Variants in DNAH12 observed in about 807,000 individuals in gnomAD.
DNAH12 encodes the protein dynein axonemal heavy chain 12, also known as axonemal beta dynein heavy chain 12.
DNAH12 carries 285 observed loss-of-function variants against 371.5 expected under a neutral mutation model. The observed-to-expected ratio is 0.77, with a 90% CI of 0.70 to 0.85. The LOEUF is 0.85. Ranked by LOEUF, DNAH12 falls within the 40% of genes least tolerant of loss-of-function variation. The probability of loss-of-function intolerance (pLI) is 0.00; values close to 1 mark genes in which losing one functional copy is unlikely to be tolerated. For synonymous variants in DNAH12, 1,200 were observed against 1,213.0 expected (o/e 0.99, Z 0.22); for missense variants, 3,611 against 3,689.4 (o/e 0.98, Z 0.55).
At chr3:57,445,069 C>T (rs2065439254) in intron 28 of DNAH12, 105 bp downstream of exon 28, 1 of 1,317,966 alleles carries the variant, frequency 7.6e-7, no homozygotes. Context: ...TATGAAAAGA[C>T]AAAGCTCAAC....
intron 25 of DNAH12, 149 bp from the exon 26 acceptor site, chr3:57,446,838 T>TA (rs2065517120): frequency 2.4e-6 from 2 of 829,258 alleles, no homozygotes; most frequent in Admixed American, 7.5e-5. Context: ...CAAATTTTTC[T>TA]AGCTGCATGA....
At chr3:57,374,721 AAC>A (rs1386662930) in intron 55 of DNAH12, among the ~76,000 whole-genome samples, 2 of 152,168 alleles carry the variant, frequency 1.3e-5, no homozygotes, top group African/African-American at 4.8e-5. Context: ...AAAAAATAGG[AAC>A]AGAGTACCAA....
chr3:57,543,045 G>A lies in DNAH12; in HGVS notation c.-33-142C>T, dbSNP rs1390243331. The A allele has an allele frequency of 8.8e-6, 5 of 567,580 alleles. No individual in the cohort carries two copies. In the South Asian group the frequency reaches 2.8e-4, roughly 32 times the overall value. 35.2% of individuals were successfully genotyped at this position (567,580 alleles called of 1,614,324 possible). ...CAAGTATGGTATTAGTCTAAAGAATGACAGTTGAGGTAAGTTGGCAGGGAT... is the reference window on the plus strand; with the variant it reads ...CAAGTATGGTATTAGTCTAAAGAATAACAGTTGAGGTAAGTTGGCAGGGAT... On this transcript the variant is annotated intron_variant, in intron 1 of 73. Transcript: ENST00000495027.
At chr3:57,552,880 A>C in the DNAH12 span, among the ~76,000 whole-genome samples, 1 of 150,936 alleles carries the variant, frequency 6.6e-6, no homozygotes, top group African/African-American at 2.4e-5. Flanking sequence ...ACCCTGTCTT[A>C]AAAAAATAAA....
chr3:57,394,419 A>C (rs1381413222), intron 43 of DNAH12, 87 bp from the exon 44 acceptor site: 3 of 152,144 alleles, frequency 2.0e-5, no homozygotes, highest in Non-Finnish European at 4.4e-5. Flanking sequence ...TTTGATAACA[A>C]CACTTTGATT....
At chr3:57,526,419 A>T (rs565521277) in intron 2 of DNAH12, among the ~76,000 whole-genome samples, 1,462 of 146,172 alleles carry the variant, frequency 0.01, 28 homozygotes, top group African/African-American at 0.034. Context: ...GTTTTGTTTT[A>T]TTTTTTTTAG....
At chr3:57,423,582 T>C (rs1453107086) in intron 35 of DNAH12, among the ~76,000 whole-genome samples, 1 of 152,126 alleles carries the variant, frequency 6.6e-6, no homozygotes, top group Non-Finnish European at 1.5e-5. Flanking sequence ...GGAACTGCTA[T>C]GCTGTGAGGG....
intron 59 of DNAH12, among the ~76,000 whole-genome samples, chr3:57,356,719 CT>C (rs1337197605): frequency 4.6e-5 from 7 of 151,568 alleles, no homozygotes; most frequent in African/African-American, 1.7e-4. Flanking sequence ...GTCTTTTTTT[CT>C]TTCACTTTTC....
intron 29 of DNAH12, among the ~76,000 whole-genome samples, chr3:57,438,668 T>A: frequency 6.6e-6 from 1 of 151,660 alleles, no homozygotes; most frequent in Non-Finnish European, 1.5e-5. Flanking sequence ...AAGAATGCAA[T>A]CCGGCCGGGC....
At chr3:57,369,687 C>T (rs1330778140) in intron 55 of DNAH12, among the ~76,000 whole-genome samples, 4 of 152,078 alleles carry the variant, frequency 2.6e-5, no homozygotes, top group Non-Finnish European at 5.9e-5. Flanking sequence ...TAGAAGTTAC[C>T]TAGTAGTTAG....
intron 4 of DNAH12, among the ~76,000 whole-genome samples, chr3:57,518,702 C>A (rs1184880110): frequency 6.6e-6 from 1 of 152,004 alleles, no homozygotes; most frequent in East Asian, 1.9e-4. Context: ...GGAAGGGGAA[C>A]AAGAAGTTCA....
chr3:57,500,857 G>T (rs1199595991), intron 11 of DNAH12, among the ~76,000 whole-genome samples: 1 of 152,138 alleles, frequency 6.6e-6, no homozygotes, highest in Non-Finnish European at 1.5e-5. Context: ...CTGGGCTCAA[G>T]TTATCCTCTT....
chr3:57,472,704 A>G (rs577753696), intron 13 of DNAH12, 33 bp from the exon 14 acceptor site: 3 of 1,532,214 alleles, frequency 2.0e-6, no homozygotes, highest in East Asian at 2.5e-5. Context: ...AATATGTCAT[A>G]TAGAAAATCT....
chr3:57,513,086 C>T (rs540811168), intron 4 of DNAH12, among the ~76,000 whole-genome samples: 378 of 150,296 alleles, frequency 2.5e-3, no homozygotes, highest in Non-Finnish European at 4.4e-3. Context: ...TGCAGTGAGC[C>T]GAGATCGCAC....
intron 2 of DNAH12, among the ~76,000 whole-genome samples, chr3:57,539,862 C>T (rs1403774152): frequency 6.6e-6 from 1 of 151,754 alleles, no homozygotes; most frequent in Non-Finnish European, 1.5e-5. Flanking sequence ...GTGATCTGCC[C>T]GCCTCAGCCT....
intron 12 of DNAH12, among the ~76,000 whole-genome samples, chr3:57,486,661 T>C (rs1039120980): frequency 4.0e-5 from 6 of 151,690 alleles, no homozygotes; most frequent in African/African-American, 1.5e-4. Flanking sequence ...ATAAAGCTTG[T>C]ATTGAAGCTG....
intron 9 of DNAH12, among the ~76,000 whole-genome samples, chr3:57,503,369 ATATT>A (rs779942311): frequency 2.0e-5 from 3 of 151,750 alleles, no homozygotes; most frequent in Admixed American, 6.6e-5. Flanking sequence ...TATTTGTCAA[ATATT>A]TATTTATTTA....
At chr3:57,297,567 G>C (rs2061258681) in intron 70 of DNAH12, among the ~76,000 whole-genome samples, 1 of 151,932 alleles carries the variant, frequency 6.6e-6, no homozygotes, top group African/African-American at 2.4e-5. Flanking sequence ...TGTTGGCCAG[G>C]CTGGTCTGGA....
At chr3:57,499,052 A>C (rs1242175443) in intron 11 of DNAH12, among the ~76,000 whole-genome samples, 1 of 152,040 alleles carries the variant, frequency 6.6e-6, no homozygotes, top group African/African-American at 2.4e-5. Flanking sequence ...AGAGGAATAA[A>C]CTACTGACAC....
Sources: gnomAD v4.1 joint callset for allele counts (sites outside exome capture counted in the v4.1 genomes callset) on GRCh38, gnomAD v4.1.1 for gene constraint, MANE v1.5 for transcripts, NCBI Gene and HGNC (gene_info 2026-07-23, HGNC 2026-07-21) for gene names.